TMEM178A: variants seen among roughly 807,000 people sequenced by gnomAD.
TMEM178A encodes transmembrane protein 178.
TMEM178A carries 12 observed loss-of-function variants against 29.1 expected under a neutral mutation model. The ratio of observed to expected loss-of-function variants is 0.41; its 90% CI spans 0.26 to 0.67. TMEM178A has a LOEUF of 0.67. Ranked by LOEUF, TMEM178A falls within the 30% of genes least tolerant of loss-of-function variation. TMEM178A has a pLI of 0.29. For synonymous variants in TMEM178A, 210 were observed against 187.2 expected (o/e 1.12, Z -0.99); for missense variants, 366 against 419.1 (o/e 0.87, Z 1.11).
At chr2:39,731,463 G>A in the TMEM178A span, among the ~76,000 whole-genome samples, 5 of 152,324 alleles carry the variant, frequency 3.3e-5, no homozygotes, top group South Asian at 8.3e-4. Flanking sequence ...AAAAGTGAGT[G>A]GGTAGGTACA....
At chr2:39,699,375 C>T (rs7595238) in intron 1 of TMEM178A, among the ~76,000 whole-genome samples, 4,296 of 152,082 alleles carry the variant, frequency 0.028, 197 homozygotes, top group African/African-American at 0.097. Context: ...TCCACCCTAG[C>T]TTTGTAATCT....
intron 1 of TMEM178A, among the ~76,000 whole-genome samples, chr2:39,678,381 T>C (rs927603740): frequency 6.6e-6 from 1 of 152,168 alleles, no homozygotes; most frequent in African/African-American, 2.4e-5. Flanking sequence ...GTCCATACAA[T>C]GGAACATTAT....
intron 1 of TMEM178A, among the ~76,000 whole-genome samples, chr2:39,698,651 G>A (rs2716700): frequency 2.6e-5 from 4 of 151,164 alleles, no homozygotes; most frequent in Admixed American, 2.0e-4. Flanking sequence ...TCATATCAGG[G>A]TAATAATGGC....
chr2:39,719,501 C>T (rs185341442), downstream of TMEM178A, among the ~76,000 whole-genome samples: 146 of 152,308 alleles, frequency 9.6e-4, no homozygotes, highest in Non-Finnish European at 4.4e-5. Flanking sequence ...CTCGAAGCAA[C>T]CAACGTGCCA....
intron 3 of TMEM178A, among the ~76,000 whole-genome samples, chr2:39,711,751 C>A (rs1035838482): frequency 2.0e-5 from 3 of 152,114 alleles, no homozygotes; most frequent in Non-Finnish European, 4.4e-5. Context: ...TTTTCTATAA[C>A]CTTGGGGGCC....
At chr2:39,665,842 G>C, upstream of TMEM178A, 2 of 855,758 alleles carry the variant, frequency 2.3e-6, no homozygotes, top group Admixed American at 4.5e-5. Context: ...CTCGCAGGGC[G>C]AGGAGGCCGT....
intron 1 of TMEM178A, among the ~76,000 whole-genome samples, chr2:39,694,456 T>C (rs946922427): frequency 5.3e-5 from 8 of 152,196 alleles, no homozygotes; most frequent in Non-Finnish European, 1.0e-4. Context: ...ATATAGTATG[T>C]GGTAGACACA....
intron 1 of TMEM178A, among the ~76,000 whole-genome samples, chr2:39,672,923 A>T (rs188648127): frequency 6.6e-6 from 1 of 152,270 alleles, no homozygotes; most frequent in Admixed American, 6.5e-5. Context: ...GAAAATGTCA[A>T]TGCTAAGTGT....
rs1163197842 is a variant in TMEM178A, at chr2:39,666,246, G to T, written c.272G>T (p.Arg91Leu). The change falls in exon 1 of 4, where the codon CGC (arginine) becomes CTC (leucine). Residue 91 changes from arginine to leucine, a missense_variant. This residue lies in a region of TMEM178A where 247 missense variants were observed against 246.8 expected (regional missense o/e 1.00). Coordinates refer to ENST00000281961, the MANE Select transcript of TMEM178A (RefSeq NM_152390.3). Reference sequence around the variant, plus strand: ...GGGCGCGCCGACCCCGAGTCCTGGCGCTCGCTCCTGGGGCTCGGCGGGCTG... The same window carrying T: ...GGGCGCGCCGACCCCGAGTCCTGGCTCTCGCTCCTGGGGCTCGGCGGGCTG... ...GPGRADPESW[R>L]SLLGLGGLDA... 1.5e-6 allele frequency: 2 copies of T among 1,357,924 alleles called. No homozygotes were observed. The highest frequency in any genetic ancestry group is 9.4e-7 in the Non-Finnish European group (1 of 1,061,602). 84.1% of individuals were successfully genotyped at this position (1,357,924 alleles called of 1,614,324 possible). A position where few individuals can be genotyped will look rare whatever the true frequency, so the allele number is the denominator to read the frequency against.
chr2:39,728,844 C>A, the TMEM178A span, among the ~76,000 whole-genome samples: 1 of 151,976 alleles, frequency 6.6e-6, no homozygotes, highest in Non-Finnish European at 1.5e-5. Flanking sequence ...CTGTATTATT[C>A]AAAATCTTTG....
chr2:39,687,853 T>C (rs1286497247), intron 1 of TMEM178A, among the ~76,000 whole-genome samples: 1 of 152,284 alleles, frequency 6.6e-6, no homozygotes, highest in Non-Finnish European at 1.5e-5. Context: ...ATAGTGATTC[T>C]TAACTGACAA....
At chr2:39,677,230 C>A (rs1670669514) in intron 1 of TMEM178A, among the ~76,000 whole-genome samples, 1 of 152,050 alleles carries the variant, frequency 6.6e-6, no homozygotes, top group Non-Finnish European at 1.5e-5. Context: ...TGAATATCTC[C>A]CTTCACCCCC....
intron 1 of TMEM178A, among the ~76,000 whole-genome samples, chr2:39,695,300 A>T (rs549812552): frequency 1.3e-5 from 2 of 152,156 alleles, no homozygotes; most frequent in East Asian, 3.9e-4. Context: ...CTTAAGCATT[A>T]GTGGTACTGC....
chr2:39,709,705 C>T (rs1199530691), intron 3 of TMEM178A, among the ~76,000 whole-genome samples: 2 of 152,142 alleles, frequency 1.3e-5, no homozygotes, highest in African/African-American at 4.8e-5. Context: ...ACTCTTGTCT[C>T]CATAAATATC....
chr2:39,689,802 A>T (rs1671234198), intron 1 of TMEM178A, among the ~76,000 whole-genome samples: 1 of 152,240 alleles, frequency 6.6e-6, no homozygotes, highest in Non-Finnish European at 1.5e-5. Flanking sequence ...CCATGTTAAG[A>T]ATACCCCTGT....
chr2:39,693,851 G>T (rs935199904), intron 1 of TMEM178A, among the ~76,000 whole-genome samples: 2 of 151,968 alleles, frequency 1.3e-5, no homozygotes, highest in African/African-American at 4.8e-5. Flanking sequence ...CATTAAAGGA[G>T]ATTTAAAAAT....
At chr2:39,665,560 A>C, upstream of TMEM178A, 1 of 166,814 alleles carries the variant, frequency 6.0e-6, no homozygotes, top group Non-Finnish European at 1.3e-5. Flanking sequence ...GGTTAAGGGG[A>C]GAGAGGAGGA....
At chr2:39,726,723 G>T in the TMEM178A span, among the ~76,000 whole-genome samples, 1 of 152,138 alleles carries the variant, frequency 6.6e-6, no homozygotes, top group Non-Finnish European at 1.5e-5. Flanking sequence ...ATCTCACAAA[G>T]TGTAGGATAC....
chr2:39,685,205 C>T (rs1671025275), intron 1 of TMEM178A, among the ~76,000 whole-genome samples: 1 of 152,204 alleles, frequency 6.6e-6, no homozygotes, highest in South Asian at 2.1e-4. Flanking sequence ...TTTCTAGCAA[C>T]TTCTTCAGTG....
Sources: allele counts gnomAD v4.1 joint callset (sites outside exome capture counted in the v4.1 genomes callset), GRCh38; gene constraint gnomAD v4.1.1; regional missense constraint gnomAD v4.1.1; transcripts MANE v1.5; gene names NCBI Gene and HGNC (gene_info 2026-07-23, HGNC 2026-07-21).